The following PJA2 variants were observed in gnomAD, a reference collection of about 807,000 sequenced individuals.
The protein encoded by PJA2 is praja ring finger ubiquitin ligase 2.
PJA2 carries 25 observed loss-of-function variants against 69.3 expected under a neutral mutation model. The observed-to-expected ratio is 0.36, with a 90% CI of 0.26 to 0.50. The LOEUF (loss-of-function observed/expected upper bound fraction) is 0.50. Ranked by LOEUF, PJA2 falls within the 20% of genes least tolerant of loss-of-function variation. The probability of loss-of-function intolerance (pLI) is 0.96; values close to 1 mark genes in which losing one functional copy is unlikely to be tolerated. For synonymous variants in PJA2, 308 were observed against 277.8 expected (o/e 1.11, Z -1.08); for missense variants, 809 against 830.2 (o/e 0.97, Z 0.31).
At chr5:109,354,637 GATAT>G (rs146773633) in intron 7 of PJA2, among the ~76,000 whole-genome samples, 1 of 142,424 alleles carries the variant, frequency 7.0e-6, no homozygotes, top group South Asian at 2.2e-4. Context: ...AGATATATTA[GATAT>G]ATGTTATATA....
intron 7 of PJA2, among the ~76,000 whole-genome samples, chr5:109,345,964 T>C (rs1486099944): frequency 6.6e-6 from 1 of 152,336 alleles, no homozygotes; most frequent in South Asian, 2.1e-4. Flanking sequence ...CTTTTGTCTT[T>C]TTGTCTGCAA....
chr5:109,355,629 T>C (rs1481160620), intron 7 of PJA2, among the ~76,000 whole-genome samples: 1 of 152,232 alleles, frequency 6.6e-6, no homozygotes, highest in Non-Finnish European at 1.5e-5. Flanking sequence ...ATATTCACTC[T>C]CATACTTGTA....
intron 1 of PJA2, among the ~76,000 whole-genome samples, chr5:109,403,293 G>C (rs943194487): frequency 6.6e-6 from 1 of 152,048 alleles, no homozygotes; most frequent in South Asian, 2.1e-4. Flanking sequence ...GAGTGAAAGT[G>C]ATTCATACAA....
rs767427068 is a variant in PJA2, at chr5:109,378,201, T to C, written c.1283+3A>G. On this transcript the variant is annotated splice_donor_region_variant and intron_variant, in intron 4 of 9. Coordinates refer to ENST00000361189, the MANE Select transcript of PJA2 (RefSeq NM_014819.5). The stretch of plus-strand genomic sequence containing the variant: ...TCGGAAAAAGTACTGGATGTGACCT[T>C]ACCTATCTTCATCTTTGTCATAGAG... 3.7e-6 allele frequency: 6 copies of C among 1,604,416 alleles called. No homozygotes were observed. Among genetic ancestry groups the C allele is most frequent in the Non-Finnish European group, 5.1e-6 (6 of 1,173,836 alleles).
At chr5:109,390,758 C>T (rs1052251361) in intron 1 of PJA2, 21 of 151,954 alleles carry the variant, frequency 1.4e-4, no homozygotes, top group African/African-American at 4.6e-4. Flanking sequence ...TAGTGGTTTT[C>T]CTAGAAATTA....
intron 9 of PJA2, among the ~76,000 whole-genome samples, chr5:109,338,114 G>T (rs1008983996): frequency 9.2e-5 from 14 of 152,060 alleles, no homozygotes; most frequent in South Asian, 2.1e-4. Context: ...TGCAAATCTG[G>T]TCTTTTTCCC....
rs764167276 is a variant in PJA2 at position 109,378,344 on chromosome 5, T to G, written c.1143A>C (p.Ser381=). 12 of 1,614,166 alleles carry G rather than the reference T, an allele frequency of 7.4e-6. No homozygotes were observed. In the South Asian group the frequency reaches 1.3e-4, roughly 18 times the overall value. Residue 381 remains serine, a synonymous_variant, in exon 4 of 10, where the codon TCA becomes TCC. Transcript: ENST00000361189. The part of the protein sequence containing the change: ...HDCMFLDPPY[S]RVITQRETEN... ...CTGTTTCCCTTTGTGTAATAACTCT[T>G]GAGTATGGTGGATCCAAGAACATAC...
chr5:109,388,707 C>T (rs1286465955), intron 1 of PJA2, among the ~76,000 whole-genome samples: 1 of 152,070 alleles, frequency 6.6e-6, no homozygotes, highest in African/African-American at 2.4e-5. Flanking sequence ...CAATTTGATC[C>T]TTACTTGAAG....
intron 3 of PJA2, among the ~76,000 whole-genome samples, chr5:109,380,874 C>A (rs1369473105): frequency 6.6e-6 from 1 of 150,566 alleles, no homozygotes; most frequent in Non-Finnish European, 1.5e-5. Context: ...TTTGGGAAGC[C>A]AGCCAAGACA....
intron 1 of PJA2, among the ~76,000 whole-genome samples, chr5:109,389,150 T>C (rs1389351726): frequency 3.3e-5 from 5 of 152,192 alleles, no homozygotes; most frequent in East Asian, 1.9e-4. Flanking sequence ...ATCAAGATTA[T>C]ACTAAAGTCA....
rs141919869 is a variant in PJA2 at position 109,395,303 on chromosome 5, T to C, written c.-87-11783A>G. ...TTCCAGCACTTTGGGATGAAGAAGG[T>C]GGATAGTTTGAGCCCAGGAGCTCAA... is the stretch of plus-strand genomic sequence containing the variant. On this transcript the variant is annotated intron_variant, in intron 1 of 9. Coordinates refer to ENST00000361189, the MANE Select transcript of PJA2 (RefSeq NM_014819.5). Among the ~76,000 whole-genome samples the C allele has an allele frequency of 2.2e-4, 34 of 151,926 alleles. No homozygotes were observed. The East Asian group carries it at 6.4e-3, about 29-fold the overall frequency.
At position 109,356,685 on chromosome 5, in the gene PJA2, C is replaced by T. The variant is rs572041162; in HGVS notation, c.1653-659G>A. Among the ~76,000 whole-genome samples, 6 of 152,222 alleles carry T rather than the reference C, an allele frequency of 3.9e-5. No homozygotes were observed. In the South Asian group the frequency reaches 1.2e-3, roughly 32 times the overall value. ...TTTATTTTAATTCTATCATTACTCACGGCTTTTTTCTTTTCTCATTTTGTA... is the reference window on the plus strand; with the variant it reads ...TTTATTTTAATTCTATCATTACTCATGGCTTTTTTCTTTTCTCATTTTGTA... On this transcript the variant is annotated intron_variant, in intron 6 of 9. Coordinates refer to ENST00000361189, the MANE Select transcript of PJA2 (RefSeq NM_014819.5).
chr5:109,376,214 T>A (rs1365629682), intron 4 of PJA2, among the ~76,000 whole-genome samples: 3 of 151,118 alleles, frequency 2.0e-5, no homozygotes, highest in African/African-American at 7.3e-5. Context: ...AAGGACAGTT[T>A]CTATTAACTG....
At chr5:109,353,787 CTAT>C (rs1762331518) in intron 7 of PJA2, among the ~76,000 whole-genome samples, 1 of 138,244 alleles carries the variant, frequency 7.2e-6, no homozygotes, top group African/African-American at 2.6e-5. Context: ...GATTAGATGT[CTAT>C]GATATCTAGA....
chr5:109,391,400 C>T (rs1199113566), intron 1 of PJA2, among the ~76,000 whole-genome samples: 4 of 152,176 alleles, frequency 2.6e-5, no homozygotes, highest in South Asian at 4.1e-4. Context: ...CTGCTGGTGA[C>T]AACTTCCCTC....
chr5:109,369,111 G>C (rs1762631274), intron 4 of PJA2, among the ~76,000 whole-genome samples: 1 of 152,148 alleles, frequency 6.6e-6, no homozygotes, highest in South Asian at 2.1e-4. Flanking sequence ...GCACCCCCAA[G>C]AAGCAGAAGC....
chr5:109,366,702 C>G (rs2127000646), intron 5 of PJA2, among the ~76,000 whole-genome samples: 2 of 152,174 alleles, frequency 1.3e-5, no homozygotes, highest in South Asian at 4.2e-4. Flanking sequence ...TGATATAACG[C>G]CAATATCCAA....
Position 109,337,430 on chromosome 5 carries a change from A to C in PJA2, c.2002-74T>G, listed in dbSNP as rs1442181445. 2.7e-6 allele frequency: 4 copies of C among 1,474,566 alleles called. No homozygotes were observed. The East Asian group carries it at 7.5e-5, about 28-fold the overall frequency. The allele number at this position is 1,474,566 out of a possible 1,614,324, so 91.3% of individuals were successfully genotyped here. ...ACACAAGTAACTTAATAAAGAAAAAACAGTGTCATTATCCTAATAATAAGA... is the reference window on the plus strand; with the variant it reads ...ACACAAGTAACTTAATAAAGAAAAACCAGTGTCATTATCCTAATAATAAGA... On this transcript the variant is annotated intron_variant, in intron 9 of 9. Transcript: ENST00000361189.
chr5:109,357,030 C>T (rs1011094057), intron 6 of PJA2, among the ~76,000 whole-genome samples: 2 of 152,032 alleles, frequency 1.3e-5, no homozygotes, highest in African/African-American at 4.8e-5. Context: ...TAATCTTGCT[C>T]CCTTGGAAAT....
Sources: allele counts gnomAD v4.1 joint callset (sites outside exome capture counted in the v4.1 genomes callset), GRCh38; gene constraint gnomAD v4.1.1; transcripts MANE v1.5; gene names NCBI Gene and HGNC (gene_info 2026-07-23, HGNC 2026-07-21).